PCDHA4: variants seen among roughly 807,000 people sequenced by gnomAD.
PCDHA4 encodes the protein protocadherin alpha 4.
A neutral mutation model predicts 61.4 loss-of-function variants in PCDHA4; 49 were observed. The ratio of observed to expected loss-of-function variants is 0.80; its 90% confidence interval spans 0.63 to 1.01. The LOEUF (loss-of-function observed/expected upper bound fraction) is 1.01, where lower values mean the gene tolerates loss of function less well. Among genes scored for constraint, PCDHA4 ranks in the 50% least tolerant of loss-of-function variants. The pLI is 0.00. For synonymous variants in PCDHA4, 590 were observed against 550.3 expected (o/e 1.07, Z -1.01); for missense variants, 1,254 against 1,235.8 (o/e 1.01, Z -0.22).
chr5:140,883,475 AACT>A, intron 1 of PCDHA4: 1 of 1,614,106 alleles, frequency 6.2e-7, no homozygotes. Context: ...CACCTACAAG[AACT>A]ACTACTCATT....
At chr5:140,877,189 G>T (rs370743077) in intron 1 of PCDHA4, 3 of 1,613,808 alleles carry the variant, frequency 1.9e-6, no homozygotes, top group Admixed American at 1.7e-5. Context: ...GGCTGGCAGC[G>T]CAGGAGGCGC....
intron 1 of PCDHA4, among the ~76,000 whole-genome samples, chr5:140,946,349 G>A (rs1412325014): frequency 6.6e-6 from 1 of 151,910 alleles, no homozygotes; most frequent in Non-Finnish European, 1.5e-5. Flanking sequence ...TGGAGAGGAT[G>A]TGGAGAAAAG....
chr5:140,857,428 G>T (rs782142394), intron 1 of PCDHA4: 3 of 1,598,342 alleles, frequency 1.9e-6, no homozygotes, highest in Non-Finnish European at 2.6e-6. Context: ...CCGAGTACAC[G>T]GTGTTCGTGA....
chr5:140,917,449 C>G (rs1290889939), intron 1 of PCDHA4, among the ~76,000 whole-genome samples: 1 of 152,006 alleles, frequency 6.6e-6, no homozygotes, highest in Admixed American at 6.6e-5. Context: ...GCTGCAAGAG[C>G]GTTTGGCATC....
At chr5:140,933,119 G>A (rs782069505) in intron 1 of PCDHA4, among the ~76,000 whole-genome samples, 1 of 151,936 alleles carries the variant, frequency 6.6e-6, no homozygotes, top group African/African-American at 2.4e-5. Context: ...AAGAAACAAA[G>A]CTAAATAATA....
intron 1 of PCDHA4, chr5:140,836,555 A>T (rs1554136073): frequency 6.2e-7 from 1 of 1,613,750 alleles, no homozygotes; most frequent in East Asian, 2.2e-5. Context: ...TGCGGTGCTC[A>T]GCGCCGTCCT....
Position 140,823,614 on chromosome 5 carries a change from G to T in PCDHA4, c.2385+14042G>T, listed in dbSNP as rs2150127435. ...GGCTTTCGTATGAGCTGCAGCCAGC[G>T]CCTGGCAGTGCGCGCATCCCGTTCC... On this transcript the variant is annotated intron_variant, in intron 1 of 3. Coordinates refer to ENST00000530339, the MANE Select transcript of PCDHA4 (RefSeq NM_018907.4). 4 of 1,614,046 alleles carry T rather than the reference G, an allele frequency of 2.5e-6. No individual in the cohort carries two copies. The East Asian group carries it at 6.7e-5, about 27-fold the overall frequency.
chr5:140,857,141 G>A, intron 1 of PCDHA4: 3 of 1,598,268 alleles, frequency 1.9e-6, no homozygotes, highest in Non-Finnish European at 2.6e-6. Flanking sequence ...TGCTCAAGTG[G>A]GCACCGTCAT....
chr5:140,841,942 G>T (rs2150326049), intron 1 of PCDHA4: 2 of 1,613,920 alleles, frequency 1.2e-6, no homozygotes, highest in Non-Finnish European at 1.7e-6. Flanking sequence ...ACGCTCCTGC[G>T]CACCACTTAT....
At chr5:140,967,091 G>A (rs782261207) in intron 1 of PCDHA4, 1 of 1,613,196 alleles carries the variant, frequency 6.2e-7, no homozygotes. Context: ...TGATCGGGAG[G>A]CGCTGTGTGA....
chr5:140,821,334 T>C (rs1440362133), intron 1 of PCDHA4, among the ~76,000 whole-genome samples: 1 of 152,214 alleles, frequency 6.6e-6, no homozygotes, highest in African/African-American at 2.4e-5. Flanking sequence ...CTAGTAAGGA[T>C]TGGGGTTTCA....
intron 1 of PCDHA4, among the ~76,000 whole-genome samples, chr5:140,837,527 T>C (rs925860882): frequency 1.3e-5 from 2 of 151,856 alleles, no homozygotes; most frequent in African/African-American, 2.4e-5. Flanking sequence ...TTTTTTTGTA[T>C]ATTCCCAAGA....
intron 3 of PCDHA4, among the ~76,000 whole-genome samples, chr5:140,999,039 T>C (rs1554256567): frequency 6.6e-6 from 1 of 152,214 alleles, no homozygotes; most frequent in Admixed American, 6.5e-5. Flanking sequence ...CTTCGTCCAG[T>C]GTGCTTTCCA....
At chr5:140,909,772 A>T (rs2074681843) in intron 1 of PCDHA4, among the ~76,000 whole-genome samples, 1 of 152,166 alleles carries the variant, frequency 6.6e-6, no homozygotes, top group Non-Finnish European at 1.5e-5. Context: ...CCAGGGACCC[A>T]CTGGACCCAC....
At chr5:140,951,098 A>T (rs1480000816) in intron 1 of PCDHA4, among the ~76,000 whole-genome samples, 1 of 151,264 alleles carries the variant, frequency 6.6e-6, no homozygotes, top group African/African-American at 2.4e-5. Flanking sequence ...TTCTGATAAG[A>T]TTTCCTTTAT....
chr5:140,969,167 T>G (rs1554231527), intron 1 of PCDHA4: 1 of 1,613,668 alleles, frequency 6.2e-7, no homozygotes. Flanking sequence ...GACAGCAGGC[T>G]CAGGGAGTGA....
intron 1 of PCDHA4, among the ~76,000 whole-genome samples, chr5:140,916,262 G>A: frequency 6.6e-6 from 1 of 152,202 alleles, no homozygotes; most frequent in East Asian, 1.9e-4. Flanking sequence ...GACCCCAAGA[G>A]CATGCTTGTT....
chr5:140,857,320 G>T, intron 1 of PCDHA4: 1 of 1,598,728 alleles, frequency 6.3e-7, no homozygotes. Flanking sequence ...AGCTGGTGGT[G>T]ACCGCGCGGG....
rs1554124925 is a variant in PCDHA4 at position 140,808,966 on chromosome 5, G to A, written c.1779G>A (p.Lys593=). 1.2e-6 allele frequency: 2 copies of A among 1,613,520 alleles called. No homozygotes were observed. The highest frequency in any genetic ancestry group is 2.2e-5 in the East Asian group (1 of 44,884). The part of the protein sequence containing the change: ...WSVGVGHVVA[K]VRAVDADSGY... Reference sequence around the variant, plus strand: ...TGGGTGTGGGCCACGTGGTGGCAAAGGTGCGCGCGGTGGATGCTGACTCGG... The same window carrying A: ...TGGGTGTGGGCCACGTGGTGGCAAAAGTGCGCGCGGTGGATGCTGACTCGG... The change falls in exon 1 of 4, where the codon AAG becomes AAA. Residue 593 remains lysine (K), a synonymous_variant. Coordinates refer to ENST00000530339, the MANE Select transcript of PCDHA4 (RefSeq NM_018907.4).
Sources: allele counts gnomAD v4.1 joint callset (sites outside exome capture counted in the v4.1 genomes callset), GRCh38; gene constraint gnomAD v4.1.1; transcripts MANE v1.5; gene names NCBI Gene and HGNC (gene_info 2026-07-23, HGNC 2026-07-21).